Variants in TRPM5 observed in about 807,000 individuals in gnomAD.
TRPM5 encodes the protein transient receptor potential cation channel subfamily M member 5.
A neutral mutation model predicts 124.9 loss-of-function variants in TRPM5; 121 were observed. The observed-to-expected ratio is 0.97, with a 90% CI of 0.84 to 1.13. TRPM5 has a LOEUF of 1.13. Among genes scored for constraint, TRPM5 ranks in the 50% most tolerant of loss-of-function variants. The pLI is 0.00. For missense variants in TRPM5, 1,643 were observed against 1,589.1 expected (o/e 1.03, Z -0.58); for synonymous variants, 781 against 700.5 (o/e 1.11, Z -1.81).
chr11:2,404,831 CTGGTGCCCCCTGGGGGGT>C, exon 24 of TRPM5: 1 of 875,052 alleles, frequency 1.1e-6, no homozygotes, highest in Non-Finnish European at 1.8e-6. Context: ...TGCTGGGGGG[CTGGTGCCCCCTGGGGGGT>C]TCCGCTGGAG....
Position 2,411,178 on chromosome 11 carries a change from C to G in TRPM5, c.2782+174G>C, listed in dbSNP as rs570226779. On this transcript the variant is annotated intron_variant, in intron 18 of 23. Coordinates refer to ENST00000155858, the Ensembl canonical transcript of TRPM5. ...CCTCTACCTCAGGAACCAGGCCTGGCCCTTTGGGGTGTGGGGGGCCTGGGG... is the reference window on the plus strand; with the variant it reads ...CCTCTACCTCAGGAACCAGGCCTGGGCCTTTGGGGTGTGGGGGGCCTGGGG... Among the ~76,000 whole-genome samples, 25 of 152,228 alleles carry G rather than the reference C, an allele frequency of 1.6e-4. 1 individual carries two copies. In the South Asian group the frequency reaches 4.8e-3, roughly 29 times the overall value.
At chr11:2,434,683 G>C in the TRPM5 span, among the ~76,000 whole-genome samples, 3 of 150,922 alleles carry the variant, frequency 2.0e-5, no homozygotes, top group Admixed American at 2.0e-4. Context: ...TGTATGTGTA[G>C]CTGCACTGTG....
At chr11:2,413,333 G>T in intron 13 of TRPM5, 107 bp from the exon 19 acceptor site, 1 of 1,326,888 alleles carries the variant, frequency 7.5e-7, no homozygotes, top group Non-Finnish European at 1.0e-6. Flanking sequence ...AGGGGCTGTG[G>T]GGAGTGGGAC....
exon 10 of TRPM5, chr11:2,415,019 C>T: frequency 6.2e-7 from 1 of 1,603,910 alleles, no homozygotes; most frequent in Non-Finnish European, 8.5e-7. Context: ...CCACTTCTGG[C>T]CCGTGGGCCG....
the TRPM5 span, among the ~76,000 whole-genome samples, chr11:2,443,769 A>G: frequency 2.6e-5 from 4 of 151,966 alleles, no homozygotes; most frequent in Non-Finnish European, 4.4e-5. The surrounding 1 kb of genome is among the most constrained non-coding windows in gnomAD (Gnocchi z 5.0). Flanking sequence ...TCCCTGCCTC[A>G]GGGCTGTGTG....
intron 18 of TRPM5, 110 bp from the exon 24 acceptor site, chr11:2,408,022 G>T: frequency 7.1e-7 from 1 of 1,417,686 alleles, no homozygotes; most frequent in Non-Finnish European, 9.5e-7. Context: ...CCAGGGGACG[G>T]GGTGCTGGTT....
intron 23 of TRPM5, 39 bp downstream of exon 28, chr11:2,405,488 C>G: frequency 1.3e-6 from 2 of 1,545,550 alleles, no homozygotes; most frequent in Non-Finnish European, 1.7e-6. Flanking sequence ...AGTGGGTGCC[C>G]ATGCCCACCC....
chr11:2,413,259 A>G, intron 13 of TRPM5, 33 bp from the exon 19 acceptor site: 9 of 1,504,622 alleles, frequency 6.0e-6, no homozygotes, highest in Non-Finnish European at 8.0e-6. Context: ...GGCCCGCAGG[A>G]AGGGCTCCCA....
chr11:2,434,426 G>A, the TRPM5 span, among the ~76,000 whole-genome samples: 12 of 151,258 alleles, frequency 7.9e-5, no homozygotes, highest in South Asian at 2.1e-4. Flanking sequence ...CACTGTGTGC[G>A]GACACTGTGT....
chr11:2,419,836 G>A (rs1412535807), intron 4 of TRPM5, among the ~76,000 whole-genome samples: 1 of 152,200 alleles, frequency 6.6e-6, no homozygotes, highest in Non-Finnish European at 1.5e-5. Flanking sequence ...GCCCTCTGGC[G>A]GCAGCATACC....
In TRPM5 at chr11:2,404,747, G is replaced by A. The variant is rs1316713478; in HGVS notation, c.*190C>T. On this transcript the variant is annotated 3_prime_UTR_variant, in exon 24 of 24. Coordinates refer to ENST00000155858, the Ensembl canonical transcript of TRPM5. The stretch of plus-strand genomic sequence containing the variant: ...AGCCCCATGACACTGCTGTGCCTCC[G>A]GGGAGGCCAGGAGGGACAAGGAGCG... 10 of 566,894 alleles carry A rather than the reference G, an allele frequency of 1.8e-5. No individual in the cohort carries two copies. The Admixed American group carries it at 2.3e-4, about 13-fold the overall frequency. The allele number at this position is 566,894 out of a possible 1,614,324, so 35.1% of individuals were successfully genotyped here.
At chr11:2,418,490 G>T in intron 5 of TRPM5, 37 bp downstream of exon 10, 2 of 1,593,562 alleles carry the variant, frequency 1.3e-6, no homozygotes, top group Non-Finnish European at 1.7e-6. Context: ...CCTCCACAAG[G>T]CTTCGGCCAG....
At chr11:2,430,335 G>A in the TRPM5 span, among the ~76,000 whole-genome samples, 69 of 152,286 alleles carry the variant, frequency 4.5e-4, no homozygotes, top group Non-Finnish European at 7.9e-4. Context: ...CTTCATCTCC[G>A]TCATGATTGT....
At chr11:2,413,051 C>G in intron 14 of TRPM5, 39 bp from the exon 20 acceptor site, 1 of 1,565,730 alleles carries the variant, frequency 6.4e-7, no homozygotes, top group South Asian at 1.2e-5. Context: ...AGGCTGGCGC[C>G]CAGCCGGGTG....
At chr11:2,420,649 G>A (rs944518727) in intron 3 of TRPM5, among the ~76,000 whole-genome samples, 4 of 152,220 alleles carry the variant, frequency 2.6e-5, no homozygotes, top group Non-Finnish European at 2.9e-5. Context: ...CAGAACCATG[G>A]AGACAGCCCA....
rs1001395356 is a variant in TRPM5 at position 2,413,241 on chromosome 11, G to T, written c.2004-15C>A. Reference sequence around the variant, plus strand: ...GAGCTTCCTCACTGCGAGCACAGGAGAGCTCAGGGCCCGCAGGAAGGGCTC... The same window carrying T: ...GAGCTTCCTCACTGCGAGCACAGGATAGCTCAGGGCCCGCAGGAAGGGCTC... On this transcript the variant is annotated splice_polypyrimidine_tract_variant and intron_variant, in intron 13 of 23. Coordinates refer to ENST00000155858, the Ensembl canonical transcript of TRPM5. The T allele has an allele frequency of 9.1e-6, 14 of 1,534,968 alleles. No individual in the cohort carries two copies. Among genetic ancestry groups the T allele is most frequent in the African/African-American group, 1.4e-5 (1 of 72,352 alleles).
chr11:2,431,042 C>T, the TRPM5 span, among the ~76,000 whole-genome samples: 2 of 152,084 alleles, frequency 1.3e-5, no homozygotes, highest in African/African-American at 2.4e-5. Context: ...CAGCTTTGCT[C>T]TGGATGGGAA....
chr11:2,415,348 G>A (rs1322923096), exon 9 of TRPM5: 18 of 1,585,684 alleles, frequency 1.1e-5, no homozygotes, highest in Non-Finnish European at 1.5e-5. Flanking sequence ...GAGCGGTAGA[G>A]CTCCTGCAGC....
intron 15 of TRPM5, 47 bp from the exon 21 acceptor site, chr11:2,412,300 G>C: frequency 7.5e-7 from 1 of 1,328,850 alleles, no homozygotes; most frequent in Non-Finnish European, 1.1e-6. Context: ...AGCCGCCCTC[G>C]CTGGGGACAG....
Sources: allele counts gnomAD v4.1 joint callset (sites outside exome capture counted in the v4.1 genomes callset), GRCh38; gene constraint gnomAD v4.1.1; non-coding constraint Gnocchi (gnomAD v3.1); transcripts MANE v1.5; gene names NCBI Gene and HGNC (gene_info 2026-07-23, HGNC 2026-07-21).